STX8: variants seen among roughly 807,000 people sequenced by gnomAD.
STX8 encodes the protein syntaxin-8.
A neutral mutation model predicts 37.5 loss-of-function variants in STX8; 23 were observed. The ratio of observed to expected loss-of-function variants is 0.61; its 90% CI spans 0.44 to 0.87. STX8 has a LOEUF of 0.87. Among genes scored for constraint, STX8 ranks in the 40% least tolerant of loss-of-function variants. The pLI, the probability that STX8 is intolerant of heterozygous loss-of-function variation, is 0.00. For synonymous variants in STX8, 115 were observed against 99.1 expected (o/e 1.16, Z -0.95); for missense variants, 313 against 284.7 (o/e 1.10, Z -0.71).
At chr17:9,344,193 G>A (rs1256713925) in intron 7 of STX8, among the ~76,000 whole-genome samples, 2 of 152,056 alleles carry the variant, frequency 1.3e-5, no homozygotes, top group Admixed American at 6.6e-5. Flanking sequence ...GAAGGAGGAA[G>A]GGGTCAAGAC....
chr17:9,303,076 A>G (rs1908843186), intron 7 of STX8, among the ~76,000 whole-genome samples: 1 of 151,682 alleles, frequency 6.6e-6, no homozygotes, highest in Non-Finnish European at 1.5e-5. Context: ...GGTGGATCAC[A>G]AGGTCAAGAG....
At chr17:9,325,207 G>T (rs1352763017) in intron 7 of STX8, among the ~76,000 whole-genome samples, 1 of 152,098 alleles carries the variant, frequency 6.6e-6, no homozygotes, top group Non-Finnish European at 1.5e-5. Flanking sequence ...TCAACTTAAC[G>T]ATATTTTCAA....
At chr17:9,359,106 A>G (rs985394328) in intron 7 of STX8, among the ~76,000 whole-genome samples, 1 of 151,504 alleles carries the variant, frequency 6.6e-6, no homozygotes, top group African/African-American at 2.4e-5. Flanking sequence ...GCAATGGCGC[A>G]ATCTTGGCTC....
At chr17:9,434,707 C>T (rs1904363668) in intron 6 of STX8, among the ~76,000 whole-genome samples, 1 of 152,200 alleles carries the variant, frequency 6.6e-6, no homozygotes, top group Admixed American at 6.5e-5. Flanking sequence ...CAGTGTGCAG[C>T]AGAGGTACTG....
intron 7 of STX8, among the ~76,000 whole-genome samples, chr17:9,252,917 A>G (rs558599644): frequency 6.1e-5 from 7 of 115,292 alleles, no homozygotes; most frequent in Non-Finnish European, 1.4e-4. Flanking sequence ...TCAAAAAGGT[A>G]AAAGGAGGAG....
chr17:9,431,600 C>T (rs1913987040), intron 6 of STX8, among the ~76,000 whole-genome samples: 4 of 152,120 alleles, frequency 2.6e-5, no homozygotes. Flanking sequence ...TGGCCAAGGG[C>T]AGCAGGTTTA....
chr17:9,436,242 G>A (rs1904427113), intron 6 of STX8, among the ~76,000 whole-genome samples: 1 of 151,840 alleles, frequency 6.6e-6, no homozygotes, highest in Admixed American at 6.6e-5. Flanking sequence ...CTACTTGGGG[G>A]GCTGAGGCAG....
intron 4 of STX8, among the ~76,000 whole-genome samples, chr17:9,525,676 C>T (rs1477669955): frequency 1.3e-5 from 2 of 152,246 alleles, no homozygotes; most frequent in East Asian, 1.9e-4. Context: ...TCTCCCAGAT[C>T]ATTTATGGCT....
intron 2 of STX8, among the ~76,000 whole-genome samples, chr17:9,559,741 T>TATATATATATAC (rs1555537478): frequency 1.1e-4 from 3 of 27,258 alleles, no homozygotes; most frequent in South Asian, 1.3e-3. Flanking sequence ...ATTTTATATA[T>TATATATATATAC]ATATATATAT....
chr17:9,430,037 ATAG>A (rs1913881081), intron 6 of STX8, among the ~76,000 whole-genome samples: 1 of 29,746 alleles, frequency 3.4e-5, no homozygotes, highest in Non-Finnish European at 6.3e-5. Context: ...AATATATTCT[ATAG>A]AATATATATA....
chr17:9,472,456 C>A (rs192679399), intron 6 of STX8, among the ~76,000 whole-genome samples: 24 of 152,336 alleles, frequency 1.6e-4, no homozygotes, highest in Admixed American at 1.5e-3. Context: ...CCCACCGTAG[C>A]CTCCAAGGAG....
chr17:9,258,963 C>CT (rs2142124069), intron 7 of STX8, among the ~76,000 whole-genome samples: 2 of 152,356 alleles, frequency 1.3e-5, no homozygotes, highest in South Asian at 4.1e-4. Flanking sequence ...CCGAGGGTAT[C>CT]TGCAGCAAGG....
intron 7 of STX8, among the ~76,000 whole-genome samples, chr17:9,265,228 A>C (rs763164363): frequency 9.9e-5 from 15 of 152,210 alleles, no homozygotes; most frequent in Non-Finnish European, 1.8e-4. Flanking sequence ...TTAATACTAT[A>C]GATGTCCTAA....
At chr17:9,297,996 G>C (rs939061817) in intron 7 of STX8, among the ~76,000 whole-genome samples, 4 of 152,198 alleles carry the variant, frequency 2.6e-5, no homozygotes, top group African/African-American at 9.6e-5. Flanking sequence ...TACCTAAATA[G>C]AGATGACCTG....
chr17:9,276,532 C>T (rs9900985), intron 7 of STX8, among the ~76,000 whole-genome samples: 75,850 of 151,832 alleles, frequency 0.5, 19,684 homozygotes, highest in East Asian at 0.6. Context: ...CCATCACTTC[C>T]GAAATTAGAA....
chr17:9,322,405 C>T (rs527779935), intron 7 of STX8, among the ~76,000 whole-genome samples: 17 of 152,210 alleles, frequency 1.1e-4, no homozygotes, highest in Non-Finnish European at 2.5e-4. Context: ...GAAAGAGGAG[C>T]TGTCACTGAG....
chr17:9,423,432 C>G (rs765455234), intron 6 of STX8, among the ~76,000 whole-genome samples: 2 of 152,090 alleles, frequency 1.3e-5, no homozygotes, highest in African/African-American at 2.4e-5. Context: ...TTCAAGCAAT[C>G]CTCCTGCCTC....
chr17:9,286,947 GA>G (rs1908094552), intron 7 of STX8, among the ~76,000 whole-genome samples: 1 of 152,136 alleles, frequency 6.6e-6, no homozygotes, highest in Non-Finnish European at 1.5e-5. Flanking sequence ...TCTTGTCTGT[GA>G]TATGGGAATG....
At chr17:9,361,135 C>A (rs1911048056) in intron 7 of STX8, among the ~76,000 whole-genome samples, 1 of 151,704 alleles carries the variant, frequency 6.6e-6, no homozygotes, top group Admixed American at 6.6e-5. Flanking sequence ...AAAGGTGAGC[C>A]AAAAAATAAA....
Sources: allele counts gnomAD v4.1 joint callset (sites outside exome capture counted in the v4.1 genomes callset), GRCh38; gene constraint gnomAD v4.1.1; transcripts MANE v1.5; gene names NCBI Gene and HGNC (gene_info 2026-07-23, HGNC 2026-07-21).